Variants in DAP3 observed in about 807,000 individuals in gnomAD.
DAP3 encodes small ribosomal subunit protein mS29.
Under a neutral mutation model 51.9 loss-of-function variants are expected in DAP3, and 28 were observed. The ratio of observed to expected loss-of-function variants is 0.54; its 90% confidence interval spans 0.40 to 0.74. The LOEUF (loss-of-function observed/expected upper bound fraction) is 0.74, where lower values mean the gene tolerates loss of function less well. DAP3 is among the 30% of genes least tolerant of loss of function. The pLI, the probability that DAP3 is intolerant of heterozygous loss-of-function variation, is 0.00. For synonymous variants in DAP3, 170 were observed against 170.3 expected, an observed-to-expected ratio of 1.00 and a Z score of 0.01; for missense variants, 458 against 483.5, an observed-to-expected ratio of 0.95 and a Z score of 0.49.
chr1:155,714,254 C>T (rs980078493), intron 2 of DAP3, among the ~76,000 whole-genome samples: 1 of 152,154 alleles, frequency 6.6e-6, no homozygotes, highest in African/African-American at 2.4e-5. Context: ...TTTTTATTGT[C>T]GGGGTCTCAC....
chr1:155,718,753 G>T (rs1425691454), intron 3 of DAP3, among the ~76,000 whole-genome samples: 1 of 148,322 alleles, frequency 6.7e-6, no homozygotes, highest in East Asian at 2.0e-4. Flanking sequence ...GATAGATATA[G>T]ATATAGATGA....
intron 2 of DAP3, among the ~76,000 whole-genome samples, chr1:155,710,891 C>G (rs1185482597): frequency 6.6e-6 from 1 of 152,012 alleles, no homozygotes; most frequent in African/African-American, 2.4e-5. Flanking sequence ...ATGACTATTT[C>G]AGTATGGTGC....
chr1:155,688,796 C>T, upstream of DAP3: 3 of 1,548,510 alleles, frequency 1.9e-6, no homozygotes, highest in Non-Finnish European at 2.6e-6. Flanking sequence ...GTGCGCCTCC[C>T]ACAGTCCCCA....
Position 155,725,372 on chromosome 1 carries a change from A to G in DAP3, c.271-10A>G. ...CCCACCCACTCTTTCCTTCTTTCCTACTTTATCAGGTGAAGACATTCAGTG... is the reference window on the plus strand; with the variant it reads ...CCCACCCACTCTTTCCTTCTTTCCTGCTTTATCAGGTGAAGACATTCAGTG... On this transcript the variant is annotated splice_polypyrimidine_tract_variant and intron_variant, in intron 4 of 12. Coordinates refer to ENST00000368336, the MANE Select transcript of DAP3 (RefSeq NM_004632.4). The G allele has an allele frequency of 6.2e-7, 1 of 1,612,856 alleles. No individual in the cohort carries two copies. The highest frequency in any genetic ancestry group is 8.5e-7 in the Non-Finnish European group (1 of 1,179,184).
intron 1 of DAP3, among the ~76,000 whole-genome samples, chr1:155,695,736 C>G (rs1297899326): frequency 6.6e-6 from 1 of 152,186 alleles, no homozygotes; most frequent in Non-Finnish European, 1.5e-5. Context: ...TTAAAATCTT[C>G]TAATACTGCA....
chr1:155,723,643 T>C (rs1242563822), intron 4 of DAP3, among the ~76,000 whole-genome samples: 1 of 152,224 alleles, frequency 6.6e-6, no homozygotes, highest in Non-Finnish European at 1.5e-5. Context: ...TTTGTTTTAA[T>C]ACCTTTATCA....
intron 9 of DAP3, 136 bp downstream of exon 9, chr1:155,729,502 G>T: frequency 8.2e-7 from 1 of 1,217,154 alleles, no homozygotes; most frequent in East Asian, 2.5e-5. Context: ...GTAAAGAGCT[G>T]GGTGCAGTGG....
intron 7 of DAP3, 114 bp downstream of exon 7, chr1:155,727,852 T>C (rs1479739616): frequency 2.9e-5 from 37 of 1,256,280 alleles, no homozygotes; most frequent in Middle Eastern, 2.0e-4. Context: ...CTGTATCATT[T>C]TTAATTTCTT....
chr1:155,723,056 T>C (rs766353314), intron 4 of DAP3, among the ~76,000 whole-genome samples: 3 of 152,208 alleles, frequency 2.0e-5, no homozygotes, highest in African/African-American at 4.8e-5. Context: ...AGCATTGTCA[T>C]ACTGCCTAAT....
upstream of DAP3, chr1:155,688,302 G>A: frequency 6.4e-7 from 1 of 1,567,218 alleles, no homozygotes; most frequent in Non-Finnish European, 8.6e-7. Flanking sequence ...GTTTCCCCTC[G>A]CAAAGCGAAC....
intron 1 of DAP3, among the ~76,000 whole-genome samples, chr1:155,704,839 C>T (rs557757393): frequency 2.6e-5 from 4 of 152,018 alleles, no homozygotes; most frequent in South Asian, 2.1e-4. Context: ...AATAAGCTGG[C>T]GTGGTGGCGG....
At chr1:155,695,340 C>T (rs1654372128) in intron 1 of DAP3, among the ~76,000 whole-genome samples, 1 of 152,182 alleles carries the variant, frequency 6.6e-6, no homozygotes. Context: ...GGGTTAACAC[C>T]AGTTCCTTGA....
Position 155,736,779 on chromosome 1 carries a change from G to A in DAP3, c.994-167G>A, listed in dbSNP as rs1412817512. The A allele has an allele frequency of 4.6e-6, 3 of 651,292 alleles. No homozygotes were observed. In the African/African-American group the frequency reaches 5.5e-5, roughly 12 times the overall value. The allele number at this position is 651,292 out of a possible 1,614,324, so 40.3% of individuals were successfully genotyped here. ...GCACGAGTAGCCAGCCACCATATGT[G>A]GAGTCCATATGTGGAGTCCTGTATC... On this transcript the variant is annotated intron_variant, in intron 11 of 12. Coordinates refer to ENST00000368336, the MANE Select transcript of DAP3 (RefSeq NM_004632.4).
At chr1:155,709,640 G>A (rs1456652062) in intron 1 of DAP3, 133 bp from the exon 2 acceptor site, 1 of 604,882 alleles carries the variant, frequency 1.7e-6, no homozygotes, top group Non-Finnish European at 2.5e-6. Context: ...TAATGAAGCT[G>A]TAGGCATTCT....
chr1:155,731,841 A>T, intron 10 of DAP3, 103 bp from the exon 11 acceptor site: 11 of 1,195,712 alleles, frequency 9.2e-6, no homozygotes, highest in Non-Finnish European at 1.2e-6. Context: ...ACACTTTTGT[A>T]ACACTGTATG....
intron 4 of DAP3, among the ~76,000 whole-genome samples, chr1:155,722,169 G>T (rs376261926): frequency 1.3e-5 from 2 of 152,162 alleles, no homozygotes; most frequent in African/African-American, 4.8e-5. Context: ...ACTTTGGGAG[G>T]CCAAGGTGGA....
chr1:155,735,532 G>A (rs933564878), intron 11 of DAP3, among the ~76,000 whole-genome samples: 1 of 151,604 alleles, frequency 6.6e-6, no homozygotes, highest in African/African-American at 2.4e-5. Context: ...AGCCGAGATC[G>A]TGCCATTGCA....
rs771017753 is a variant in DAP3, at chr1:155,737,022, T to G, written c.1070T>G (p.Ile357Ser). 3 of 1,613,998 alleles carry G rather than the reference T, an allele frequency of 1.9e-6. No homozygotes were observed. Among genetic ancestry groups the G allele is most frequent in the Non-Finnish European group, 8.5e-7 (1 of 1,179,998 alleles). The change falls in exon 12 of 13, where the codon ATT (isoleucine) becomes AGT (serine). Residue 357 changes from isoleucine (I) to serine (S), a missense_variant. Transcript: ENST00000368336. ...NYNPKEFESCIQYYLENNWLQ... is the reference protein window; with the variant it reads ...NYNPKEFESCSQYYLENNWLQ... ...AACCCAAAGGAATTTGAAAGTTGTATTCAGTATTATTTGGAAAACAATTGG... is the reference window on the plus strand; with the variant it reads ...AACCCAAAGGAATTTGAAAGTTGTAGTCAGTATTATTTGGAAAACAATTGG...
chr1:155,692,262 T>C (rs1184148028), intron 1 of DAP3, among the ~76,000 whole-genome samples: 1 of 141,796 alleles, frequency 7.1e-6, no homozygotes, highest in East Asian at 1.9e-4. Context: ...GGGAACATAA[T>C]GGCGATAAGA....
Sources: gnomAD v4.1 joint callset for allele counts (sites outside exome capture counted in the v4.1 genomes callset) on GRCh38, gnomAD v4.1.1 for gene constraint, MANE v1.5 for transcripts, NCBI Gene and HGNC (gene_info 2026-07-23, HGNC 2026-07-21) for gene names.